The following SLC4A3 variants were observed in gnomAD, a reference collection of about 807,000 sequenced individuals.
The protein encoded by SLC4A3 is solute carrier family 4 member 3.
In SLC4A3, 47 loss-of-function variants were observed where a neutral mutation model predicts 114.2. The observed-to-expected ratio is 0.41, with a 90% confidence interval of 0.33 to 0.52. The LOEUF (loss-of-function observed/expected upper bound fraction) is 0.52, where lower values mean the gene tolerates loss of function less well. SLC4A3 is among the 20% of genes least tolerant of loss of function. The probability of loss-of-function intolerance (pLI) is 0.21; values close to 1 mark genes in which losing one functional copy is unlikely to be tolerated. For synonymous variants in SLC4A3, 693 were observed against 710.3 expected (o/e 0.98, Z 0.39); for missense variants, 1,312 against 1,668.3 (o/e 0.79, Z 3.72).
In SLC4A3 at chr2:219,639,759, A is replaced by C. The variant is rs766207672; in HGVS notation, c.3277+24A>C. On this transcript the variant is annotated intron_variant, in intron 20 of 22. Coordinates refer to ENST00000358055, the MANE Select transcript of SLC4A3 (RefSeq NM_005070.4). The surrounding 1 kb of genome is among the most constrained non-coding windows in gnomAD (Gnocchi z 5.9). ...GGGTGAGAGCCCGCCTCCACCCTGC[A>C]CACCCCCTTCCTTGGGCCCCACGGT... 6.3e-7 allele frequency: 1 copy of C among 1,596,928 alleles called. No homozygotes were observed. The highest frequency in any genetic ancestry group is 1.7e-5 in the Admixed American group (1 of 59,930).
rs557376276 is a variant in SLC4A3 at position 219,633,092 on chromosome 2, C to G, written c.1277+83C>G. 2.5e-4 allele frequency: 388 copies of G among 1,532,336 alleles called. 10 individuals are homozygous for G. The South Asian group carries it at 4.2e-3, about 16-fold the overall frequency. The allele number at this position is 1,532,336 out of a possible 1,614,324, so 94.9% of individuals were successfully genotyped here. On this transcript the variant is annotated intron_variant, in intron 9 of 22. Transcript: ENST00000358055. ...CATCCTCTTCCAAGTGGCTCCCAGC[C>G]TCTGCTTGAATGCCACAAGTGACAG... is the stretch of plus-strand genomic sequence containing the variant.
chr2:219,638,939 G>A lies in SLC4A3; in HGVS notation c.3023+70G>A. On this transcript the variant is annotated intron_variant, in intron 19 of 22. Transcript: ENST00000358055. This position sits in a 1 kb window ranked among gnomAD's most constrained non-coding sequence, Gnocchi z 7.5. The stretch of plus-strand genomic sequence containing the variant: ...CCTTGGCTCCTTGGCTTGGTTTCAG[G>A]GTTATAGCAGGGACATCATTATCAG... 1 of 1,511,762 alleles carries A rather than the reference G, an allele frequency of 6.6e-7. No homozygotes were observed. Among genetic ancestry groups the A allele is most frequent in the African/African-American group, 1.4e-5 (1 of 73,238 alleles). 93.6% of individuals were successfully genotyped at this position (1,511,762 alleles called of 1,614,324 possible). A position where few individuals can be genotyped will look rare whatever the true frequency, so the allele number is the denominator to read the frequency against.
At position 219,638,288 on chromosome 2, in the gene SLC4A3, C is replaced by T. The variant is rs1252914645; in HGVS notation, c.2856+35C>T. On this transcript the variant is annotated intron_variant, in intron 18 of 22. Coordinates refer to ENST00000358055, the MANE Select transcript of SLC4A3 (RefSeq NM_005070.4). The surrounding 1 kb of genome is among the most constrained non-coding windows in gnomAD (Gnocchi z 7.5). ...CCCCAGCCTGTGGCAGCTGCTGTCA[C>T]CCCCAGGCCAGGAGAGGGAGCCCAC... is the stretch of plus-strand genomic sequence containing the variant. 6.7e-7 allele frequency: 1 copy of T among 1,497,770 alleles called. No homozygotes were observed. The allele number at this position is 1,497,770 out of a possible 1,614,324, so 92.8% of individuals were successfully genotyped here.
In SLC4A3 at chr2:219,630,639, C is replaced by G. The variant is rs2106184166; in HGVS notation, c.811+287C>G. On this transcript the variant is annotated intron_variant, in intron 6 of 22. Coordinates refer to ENST00000358055, the MANE Select transcript of SLC4A3 (RefSeq NM_005070.4). The surrounding 1 kb of genome is among the most constrained non-coding windows in gnomAD (Gnocchi z 6.9). ...CTCTCTTTTTCACATTACTGTATCC[C>G]TCCCCAAGGCCCCTCTTCTCGGGGT... Among the ~76,000 whole-genome samples the G allele has an allele frequency of 6.6e-6, 1 of 152,308 alleles. No homozygotes were observed. The highest frequency in any genetic ancestry group is 1.5e-5 in the Non-Finnish European group (1 of 68,024).
chr2:219,629,002 A>G, intron 3 of SLC4A3, 142 bp from the exon 4 acceptor site: 1 of 981,158 alleles, frequency 1.0e-6, no homozygotes, highest in African/African-American at 1.6e-5. Context: ...GCACGTGGAC[A>G]CAGGTGTTGG....
At position 219,637,018 on chromosome 2, in the gene SLC4A3, A is replaced by C; in HGVS notation, c.2535+144A>C. The C allele has an allele frequency of 1.3e-6, 1 of 759,228 alleles. No individual in the cohort carries two copies. Among genetic ancestry groups the C allele is most frequent in the Non-Finnish European group, 2.1e-6 (1 of 473,756 alleles). 47.0% of individuals were successfully genotyped at this position (759,228 alleles called of 1,614,324 possible). ...GAGTGAGGGGTTCTAGGGACACCCT[A>C]GGCTAGGTCTGAGCTGAAGGGGAGG... On this transcript the variant is annotated intron_variant, in intron 16 of 22. Transcript: ENST00000358055. The surrounding 1 kb of genome is among the most constrained non-coding windows in gnomAD (Gnocchi z 4.6).
chr2:219,633,912 C>A lies in SLC4A3; in HGVS notation c.1494C>A (p.His498Gln), dbSNP rs746246183. The A allele has an allele frequency of 1.9e-5, 29 of 1,560,882 alleles. No individual in the cohort carries two copies. In the South Asian group the frequency reaches 3.1e-4, roughly 17 times the overall value. The stretch of plus-strand genomic sequence containing the variant: ...TCCACATGCCTGGGGGAGATGGTCA[C>A]CGGGGGAAAAGCCTGAAGCTGCTGG... ...KPLHMPGGDGHRGKSLKLLEK... is the reference protein window; with the variant it reads ...KPLHMPGGDGQRGKSLKLLEK... Residue 498 changes from histidine (H) to glutamine (Q), a missense_variant, in exon 11 of 23, where the codon CAC becomes CAA. By Grantham distance (24) the His-to-Gln change is conservative. Around this residue, in one of 4 missense-constraint regions of SLC4A3, gnomAD observed 771 missense variants for 977.7 expected, o/e 0.79. Coordinates refer to ENST00000358055, the MANE Select transcript of SLC4A3 (RefSeq NM_005070.4).
Position 219,629,286 on chromosome 2 carries a change from C to G in SLC4A3, c.360C>G (p.Ser120=), listed in dbSNP as rs148716690. The G allele has an allele frequency of 6.2e-7, 1 of 1,613,904 alleles. No individual in the cohort carries two copies. The highest frequency in any genetic ancestry group is 8.5e-7 in the Non-Finnish European group (1 of 1,179,898). ...RKKEKTSAPP[S]EGTPPIQEEG... ...AGGAGAAAACCTCTGCTCCTCCCTC[C>G]GAGGGGACCCCTCCCATCCAGGAGG... The change falls in exon 4 of 23, where the codon TCC becomes TCG. Residue 120 remains serine, a synonymous_variant. Coordinates refer to ENST00000358055, the MANE Select transcript of SLC4A3 (RefSeq NM_005070.4).
chr2:219,638,755 G>T lies in SLC4A3; in HGVS notation c.2909G>T (p.Trp970Leu), dbSNP rs370125114. The T allele has an allele frequency of 2.5e-6, 4 of 1,614,142 alleles. No homozygotes were observed. The highest frequency in any genetic ancestry group is 3.4e-6 in the Non-Finnish European group (4 of 1,180,016). Reference protein sequence around the residue: ...LSVTSPDKRSWFIPPLGSARP... With the variant: ...LSVTSPDKRSLFIPPLGSARP... The stretch of plus-strand genomic sequence containing the variant: ...GTGACCTCTCCCGATAAGCGCTCGT[G>T]GTTCATCCCACCCCTGGGCAGTGCC... Residue 970 changes from tryptophan to leucine, a missense_variant, in exon 19 of 23, where the codon TGG becomes TTG. Coordinates refer to ENST00000358055, the MANE Select transcript of SLC4A3 (RefSeq NM_005070.4). The surrounding 1 kb of genome is among the most constrained non-coding windows in gnomAD (Gnocchi z 7.5).
In SLC4A3 at chr2:219,632,295, C is replaced by A; in HGVS notation, c.994C>A (p.Arg332Ser). The A allele has an allele frequency of 6.2e-7, 1 of 1,614,092 alleles. No homozygotes were observed. Among genetic ancestry groups the A allele is most frequent in the Non-Finnish European group, 8.5e-7 (1 of 1,180,020 alleles). Residue 332 changes from arginine (R) to serine (S), a missense_variant, in exon 8 of 23, where the codon CGC (arginine) becomes AGC (serine). Arg to Ser is a moderately radical substitution (Grantham distance 110). This residue lies in a region of SLC4A3 where 771 missense variants were observed against 977.7 expected (regional missense o/e 0.79). Transcript: ENST00000358055. ...GGAGCTGAACGAGCTGATGCTGGAC[C>A]GCAGCCAGGAGCCCCACTGGCGGGA... ...FVELNELMLD[R>S]SQEPHWRETA...
At chr2:219,640,028 C>A (rs546954518) in intron 20 of SLC4A3, among the ~76,000 whole-genome samples, 2 of 152,276 alleles carry the variant, frequency 1.3e-5, no homozygotes, top group East Asian at 3.9e-4. Context: ...CTCCCAGGTT[C>A]ACCCATTCTC....
rs181107871 is a variant in SLC4A3, at chr2:219,640,563, G to A, written c.3411G>A (p.Pro1137=). Reference sequence around the variant, plus strand: ...AGCGTTTGTTGCTCATCCTCATGCCGGCAAAACACCATCCTGAGCAGCCCT... The same window carrying A: ...AGCGTTTGTTGCTCATCCTCATGCCAGCAAAACACCATCCTGAGCAGCCCT... ...LSQRLLLILM[P]AKHHPEQPYV... Residue 1137 remains proline, a synonymous_variant, in exon 21 of 23, where the codon CCG becomes CCA. Transcript: ENST00000358055. The A allele has an allele frequency of 1.0e-3, 1,659 of 1,614,124 alleles. 13 individuals carry two copies. The highest frequency in any genetic ancestry group is 4.8e-4 in the Non-Finnish European group (563 of 1,180,018).
In SLC4A3 at chr2:219,628,060, G is replaced by T; in HGVS notation, c.51+17G>T. 2 of 1,547,756 alleles carry T rather than the reference G, an allele frequency of 1.3e-6. No individual in the cohort carries two copies. Among genetic ancestry groups the T allele is most frequent in the South Asian group, 1.2e-5 (1 of 83,762 alleles). On this transcript the variant is annotated intron_variant, in intron 2 of 22. Transcript: ENST00000358055. The surrounding 1 kb of genome is among the most constrained non-coding windows in gnomAD (Gnocchi z 4.8). ...CTACCCCAGGTGATCGGCGCGCGCG[G>T]GGGCGGGGGAGAGATGGGGGAGGAG...
chr2:219,638,229 C>T lies in SLC4A3; in HGVS notation c.2832C>T (p.Tyr944=), dbSNP rs991117727. Residue 944 remains tyrosine, a synonymous_variant, in exon 18 of 23, where the codon TAC becomes TAT. Transcript: ENST00000358055. The surrounding 1 kb of genome is among the most constrained non-coding windows in gnomAD (Gnocchi z 7.5). ...TCCTGGTGATGGTCCTGGTGGATTACTCCATCACAGACACCTACACGCAGG... is the reference window on the plus strand; with the variant it reads ...TCCTGGTGATGGTCCTGGTGGATTATTCCATCACAGACACCTACACGCAGG... The part of the protein sequence containing the change: ...ISILVMVLVD[Y]SITDTYTQKL... 9 of 1,612,268 alleles carry T rather than the reference C, an allele frequency of 5.6e-6. No individual in the cohort carries two copies. The highest frequency in any genetic ancestry group is 5.9e-6 in the Non-Finnish European group (7 of 1,179,110).
intron 9 of SLC4A3, 23 bp from the exon 10 acceptor site, chr2:219,633,251 C>G (rs370863941): frequency 6.5e-7 from 1 of 1,537,678 alleles, no homozygotes; most frequent in South Asian, 1.3e-5. Context: ...TCCTCCTCAC[C>G]TGCCTCACCC....
chr2:219,638,141 T>A lies in SLC4A3; in HGVS notation c.2767-23T>A. The A allele has an allele frequency of 6.3e-7, 1 of 1,591,880 alleles. No individual in the cohort carries two copies. Among genetic ancestry groups the A allele is most frequent in the South Asian group, 1.1e-5 (1 of 88,862 alleles). On this transcript the variant is annotated intron_variant, in intron 17 of 22. Coordinates refer to ENST00000358055, the MANE Select transcript of SLC4A3 (RefSeq NM_005070.4). This position sits in a 1 kb window ranked among gnomAD's most constrained non-coding sequence, Gnocchi z 7.5. Reference sequence around the variant, plus strand: ...GACCTTGCCTCCACCTTTTGCTCCCTTCCCCAACTGGCCCCTCTCAAGGCT... The same window carrying A: ...GACCTTGCCTCCACCTTTTGCTCCCATCCCCAACTGGCCCCTCTCAAGGCT...
chr2:219,631,118 C>G lies in SLC4A3; in HGVS notation c.811+766C>G, dbSNP rs1028875228. The G allele has an allele frequency of 8.6e-7, 1 of 1,158,216 alleles. No individual in the cohort carries two copies. Among genetic ancestry groups the G allele is most frequent in the African/African-American group, 1.6e-5 (1 of 61,878 alleles). 71.7% of individuals were successfully genotyped at this position (1,158,216 alleles called of 1,614,324 possible). On this transcript the variant is annotated intron_variant, in intron 6 of 22. Transcript: ENST00000358055. The surrounding 1 kb of genome is among the most constrained non-coding windows in gnomAD (Gnocchi z 6.3). ...GCTTGTGGACTTGGGGAGTTGGGGT[C>G]GGGAGGCTGTGCCACCTTCAGCTCT...
chr2:219,641,219 G>A lies in SLC4A3; in HGVS notation c.3621+257G>A, dbSNP rs936760739. Among the ~76,000 whole-genome samples the A allele has an allele frequency of 3.3e-5, 5 of 152,182 alleles. No individual in the cohort carries two copies. Among genetic ancestry groups the A allele is most frequent in the Non-Finnish European group, 7.3e-5 (5 of 68,044 alleles). Reference sequence around the variant, plus strand: ...GGTGGTTTTGTAAGGGAGTTGGCACGGGGCTGCTGCACACAGCTGTGCAGG... The same window carrying A: ...GGTGGTTTTGTAAGGGAGTTGGCACAGGGCTGCTGCACACAGCTGTGCAGG... On this transcript the variant is annotated intron_variant, in intron 22 of 22. Coordinates refer to ENST00000358055, the MANE Select transcript of SLC4A3 (RefSeq NM_005070.4). This position sits in a 1 kb window ranked among gnomAD's most constrained non-coding sequence, Gnocchi z 4.0.
In SLC4A3 at chr2:219,628,501, C is replaced by CTCA. The variant is rs1559195738; in HGVS notation, c.152_154dup (p.Ile51dup). 3 of 1,613,808 alleles carry CTCA rather than the reference C, an allele frequency of 1.9e-6. No homozygotes were observed. In the Admixed American group the frequency reaches 5.0e-5, roughly 27 times the overall value. ...CTTGGCTGTGAGCAGGTTTGGGGAC[C>CTCA]TCATCAGCAAGCCCCCGGCCTGGGA... On this transcript the variant is annotated inframe_insertion, in exon 3 of 23. Transcript: ENST00000358055. This position sits in a 1 kb window ranked among gnomAD's most constrained non-coding sequence, Gnocchi z 4.8.
Sources: allele counts gnomAD v4.1 joint callset (sites outside exome capture counted in the v4.1 genomes callset), GRCh38; gene constraint gnomAD v4.1.1; regional missense constraint gnomAD v4.1.1; non-coding constraint Gnocchi (gnomAD v3.1); transcripts MANE v1.5; gene names NCBI Gene and HGNC (gene_info 2026-07-23, HGNC 2026-07-21).